EWSR1: variants seen among roughly 807,000 people sequenced by gnomAD.
The protein encoded by EWSR1 is EWS RNA binding protein 1, also known as RNA-binding protein EWS.
Under a neutral mutation model 92.1 loss-of-function variants are expected in EWSR1, and 14 were observed. The observed-to-expected ratio is 0.15, with a 90% CI of 0.10 to 0.24. The LOEUF (loss-of-function observed/expected upper bound fraction) is 0.24. Among genes scored for constraint, EWSR1 ranks in the 10% least tolerant of loss-of-function variants. The probability of loss-of-function intolerance (pLI) is 1.00; values close to 1 mark genes in which losing one functional copy is unlikely to be tolerated. For missense variants in EWSR1, 637 were observed against 870.9 expected (o/e 0.73, Z 3.38); for synonymous variants, 303 against 292.9 (o/e 1.03, Z -0.35).
intron 4 of EWSR1, chr22:29,274,409 G>T: frequency 9.5e-7 from 1 of 1,055,410 alleles, no homozygotes. Context: ...ACAGCAAGGT[G>T]CTAATGAAAA....
At chr22:29,286,389 A>AAC (rs2060034763) in intron 6 of EWSR1, among the ~76,000 whole-genome samples, 1 of 151,646 alleles carries the variant, frequency 6.6e-6, no homozygotes, top group Non-Finnish European at 1.5e-5. Flanking sequence ...GATGGTGGTT[A>AAC]TAATATTTCC....
chr22:29,280,502 C>T (rs992379617), intron 5 of EWSR1, among the ~76,000 whole-genome samples: 3 of 152,150 alleles, frequency 2.0e-5, no homozygotes, highest in Non-Finnish European at 2.9e-5. Context: ...GATTAATTTT[C>T]GTCATTTAAC....
Position 29,283,896 on chromosome 22 carries a change from G to A in EWSR1, c.581+1339G>A, listed in dbSNP as rs993835741. The stretch of plus-strand genomic sequence containing the variant: ...GTTGCCCAGGCTGGAGTGCAATGGC[G>A]TGATCTTGGCTCACCGCAACCTCTG... On this transcript the variant is annotated intron_variant, in intron 6 of 16. Transcript: ENST00000397938. 6.0e-5 allele frequency among the ~76,000 whole-genome samples: 9 copies of A among 150,432 alleles called. 2 individuals carry two copies. Among genetic ancestry groups the A allele is most frequent in the African/African-American group, 1.0e-4 (4 of 40,178 alleles).
intron 13 of EWSR1, 30 bp downstream of exon 13, chr22:29,297,979 A>G (rs755217134): frequency 2.3e-5 from 36 of 1,599,124 alleles, no homozygotes; most frequent in Non-Finnish European, 2.9e-5. Context: ...ATGTTGCATT[A>G]AAAGGTTTTC....
chr22:29,300,362 T>C lies in EWSR1; in HGVS notation c.*201T>C, dbSNP rs1299361980. The C allele has an allele frequency of 1.3e-5, 7 of 534,862 alleles. No individual in the cohort carries two copies. The highest frequency in any genetic ancestry group is 5.1e-4 in the Middle Eastern group (1 of 1,946). The allele number at this position is 534,862 out of a possible 1,614,324, so 33.1% of individuals were successfully genotyped here. A position where few individuals can be genotyped will look rare whatever the true frequency, so the allele number is the denominator to read the frequency against. Reference sequence around the variant, plus strand: ...GTGTGCGGAGTTTTTTTTTCTTCCTTCTTTTAAAAATGGTTGTTTAAGACT... The same window carrying C: ...GTGTGCGGAGTTTTTTTTTCTTCCTCCTTTTAAAAATGGTTGTTTAAGACT... On this transcript the variant is annotated 3_prime_UTR_variant, in exon 17 of 17. Transcript: ENST00000397938.
At chr22:29,276,435 T>C (rs893536231) in intron 4 of EWSR1, 1 of 221,840 alleles carries the variant, frequency 4.5e-6, no homozygotes, top group Non-Finnish European at 9.0e-6. Flanking sequence ...CAGAATTTCC[T>C]TTTAATATTT....
chr22:29,272,734 C>T (rs1315111396), intron 3 of EWSR1, among the ~76,000 whole-genome samples: 1 of 152,160 alleles, frequency 6.6e-6, no homozygotes, highest in Non-Finnish European at 1.5e-5. Context: ...TTCATCATAG[C>T]AATTCTGCAA....
chr22:29,298,430 T>TG (rs148597269), intron 13 of EWSR1, among the ~76,000 whole-genome samples: 105 of 146,106 alleles, frequency 7.2e-4, no homozygotes, highest in African/African-American at 2.3e-3. Context: ...TGTTTGAATC[T>TG]GGGGGGGTGG....
At chr22:29,283,054 A>G (rs1443122713) in intron 6 of EWSR1, among the ~76,000 whole-genome samples, 1 of 152,002 alleles carries the variant, frequency 6.6e-6, no homozygotes, top group Non-Finnish European at 1.5e-5. Flanking sequence ...GAGCCACCGC[A>G]CCCGGCCCAG....
intron 13 of EWSR1, among the ~76,000 whole-genome samples, 172 bp from the exon 14 acceptor site, chr22:29,298,561 A>T (rs1393096910): frequency 6.6e-6 from 1 of 152,012 alleles, no homozygotes; most frequent in East Asian, 1.9e-4. Flanking sequence ...CACGTGGAAC[A>T]CGCTCCTCAC....
chr22:29,299,010 G>C lies in EWSR1; in HGVS notation c.1580+115G>C. On this transcript the variant is annotated intron_variant, in intron 14 of 16. Coordinates refer to ENST00000397938, the MANE Select transcript of EWSR1 (RefSeq NM_005243.4). ...AGAGGAACAGAATGATGACCCTGAT[G>C]GCTGGTTAGGGACACTAGTCAGCCA... is the stretch of plus-strand genomic sequence containing the variant. The C allele has an allele frequency of 3.0e-6, 4 of 1,328,290 alleles. 1 individual carries two copies. In the South Asian group the frequency reaches 4.3e-5, roughly 14 times the overall value. 82.3% of individuals were successfully genotyped at this position (1,328,290 alleles called of 1,614,324 possible). A position where few individuals can be genotyped will look rare whatever the true frequency, so the allele number is the denominator to read the frequency against.
At chr22:29,271,214 G>T (rs540645859) in intron 1 of EWSR1, among the ~76,000 whole-genome samples, 1 of 152,240 alleles carries the variant, frequency 6.6e-6, no homozygotes, top group South Asian at 2.1e-4. Context: ...AACAAGATAT[G>T]TGTTCTTGTG....
At chr22:29,273,899 C>T (rs1478782837) in intron 4 of EWSR1, 35 bp downstream of exon 4, 36 of 1,611,214 alleles carry the variant, frequency 2.2e-5, no homozygotes, top group Non-Finnish European at 3.0e-5. Context: ...TTGGGTCGTT[C>T]TGGCTAGGGC....
intron 6 of EWSR1, among the ~76,000 whole-genome samples, chr22:29,285,269 G>A (rs887122439): frequency 1.3e-5 from 2 of 149,966 alleles, no homozygotes; most frequent in Non-Finnish European, 2.9e-5. Flanking sequence ...GACTATAGGC[G>A]TGTGCCACCA....
chr22:29,291,363 A>G, intron 8 of EWSR1, 199 bp from the exon 9 acceptor site: 1 of 541,452 alleles, frequency 1.8e-6, no homozygotes, highest in Non-Finnish European at 3.3e-6. Flanking sequence ...ACTGGTGTGT[A>G]CAATCAGACA....
At chr22:29,283,443 C>T (rs1407378593) in intron 6 of EWSR1, among the ~76,000 whole-genome samples, 1 of 151,508 alleles carries the variant, frequency 6.6e-6, no homozygotes. Context: ...GCAACCTCTG[C>T]CTCCTAGGGA....
chr22:29,287,180 A>G lies in EWSR1; in HGVS notation c.793+46A>G, dbSNP rs1380042812. 6 of 1,569,948 alleles carry G rather than the reference A, an allele frequency of 3.8e-6. No homozygotes were observed. In the Admixed American group the frequency reaches 1.1e-4, roughly 28 times the overall value. On this transcript the variant is annotated intron_variant, in intron 7 of 16. Transcript: ENST00000397938. ...ACCAAATAAGAATGAATGTGTTTAG[A>G]GTTTTTTTGTGGGGTTGATTTTTTT...
chr22:29,293,080 G>C lies in EWSR1; in HGVS notation c.1164+474G>C, dbSNP rs557787094. Among the ~76,000 whole-genome samples, 16 of 152,134 alleles carry C rather than the reference G, an allele frequency of 1.1e-4. No homozygotes were observed. In the East Asian group the frequency reaches 3.1e-3, roughly 29 times the overall value. Reference sequence around the variant, plus strand: ...CCTCCTCCACCCCTAGGGACAGAGTGTTGCTCAATCTCAGCCTCCCAGGTT... The same window carrying C: ...CCTCCTCCACCCCTAGGGACAGAGTCTTGCTCAATCTCAGCCTCCCAGGTT... On this transcript the variant is annotated intron_variant, in intron 11 of 16. Coordinates refer to ENST00000397938, the MANE Select transcript of EWSR1 (RefSeq NM_005243.4).
At chr22:29,270,311 C>G (rs192085684) in intron 1 of EWSR1, among the ~76,000 whole-genome samples, 1 of 152,342 alleles carries the variant, frequency 6.6e-6, no homozygotes, top group East Asian at 1.9e-4. Flanking sequence ...TCGCAGCAAT[C>G]TAGAACCCCC....
Sources: allele counts gnomAD v4.1 joint callset (sites outside exome capture counted in the v4.1 genomes callset), GRCh38; gene constraint gnomAD v4.1.1; transcripts MANE v1.5; gene names NCBI Gene and HGNC (gene_info 2026-07-23, HGNC 2026-07-21).